Variants in APPBP2 observed in about 807,000 individuals in gnomAD.
APPBP2 encodes the protein amyloid beta precursor protein binding protein 2.
APPBP2 carries 15 observed loss-of-function variants against 76.0 expected under a neutral mutation model. The ratio of observed to expected loss-of-function variants is 0.20; its 90% CI spans 0.13 to 0.30. The LOEUF (loss-of-function observed/expected upper bound fraction) is 0.30. Among genes scored for constraint, APPBP2 ranks in the 10% least tolerant of loss-of-function variants. The probability of loss-of-function intolerance (pLI) is 1.00; values close to 1 mark genes in which losing one functional copy is unlikely to be tolerated. For missense variants in APPBP2, 401 were observed against 687.2 expected (o/e 0.58, Z 4.66); for synonymous variants, 222 against 242.2 (o/e 0.92, Z 0.77).
At chr17:60,476,777 G>A (rs909096197) in intron 4 of APPBP2, among the ~76,000 whole-genome samples, 5 of 151,992 alleles carry the variant, frequency 3.3e-5, no homozygotes, top group African/African-American at 1.2e-4. Flanking sequence ...ATTTTTTATA[G>A]AAATGAGGTC....
At chr17:60,460,836 A>C in intron 8 of APPBP2, 49 bp from the exon 9 acceptor site, 1 of 1,570,500 alleles carries the variant, frequency 6.4e-7, no homozygotes, top group Non-Finnish European at 8.6e-7. Context: ...AATACCACCT[A>C]GTTAAATTAA....
chr17:60,475,098 C>T lies in APPBP2; in HGVS notation c.503+4050G>A, dbSNP rs370801608. The stretch of plus-strand genomic sequence containing the variant: ...CAAAAAAATTAGCTGGGCATGGTGG[C>T]GGGCGCCTATAGTCCCAGCTACTCG... On this transcript the variant is annotated intron_variant, in intron 4 of 12. Transcript: ENST00000083182. Among the ~76,000 whole-genome samples, 40 of 151,862 alleles carry T rather than the reference C, an allele frequency of 2.6e-4. 2 individuals carry two copies. In the East Asian group the frequency reaches 5.8e-3, roughly 22 times the overall value.
intron 4 of APPBP2, among the ~76,000 whole-genome samples, chr17:60,469,832 T>C (rs547525101): frequency 2.1e-4 from 32 of 152,350 alleles, no homozygotes; most frequent in Middle Eastern, 3.4e-3. Flanking sequence ...AATTCTGCTA[T>C]AAACACTAGC....
intron 2 of APPBP2, among the ~76,000 whole-genome samples, chr17:60,495,347 C>G (rs2090765600): frequency 6.6e-6 from 1 of 151,736 alleles, no homozygotes. Context: ...AAATAAGAGG[C>G]TCAACATCAT....
At chr17:60,495,934 G>A (rs938151985) in intron 2 of APPBP2, among the ~76,000 whole-genome samples, 1 of 152,080 alleles carries the variant, frequency 6.6e-6, no homozygotes, top group South Asian at 2.1e-4. Context: ...TTATCCTTAC[G>A]ATGGAAAATT....
rs1224868285 is a variant in APPBP2 at position 60,500,404 on chromosome 17, A to G, written c.222T>C (p.Asp74=). ...EVFAKVLRAL[D]KRHLLHHCFQ... is the part of the protein sequence containing the mutation. Reference sequence around the variant, plus strand: ...TTTTTTAAAAAAGAATTTACCTTTTATCCAAAGCTCTCAGTACTTTAGCAA... The same window carrying G: ...TTTTTTAAAAAAGAATTTACCTTTTGTCCAAAGCTCTCAGTACTTTAGCAA... Residue 74 remains aspartate, a synonymous_variant, in exon 2 of 13, where the codon GAT becomes GAC. Coordinates refer to ENST00000083182, the MANE Select transcript of APPBP2 (RefSeq NM_006380.5). The G allele has an allele frequency of 6.3e-7, 1 of 1,597,226 alleles. No homozygotes were observed. The highest frequency in any genetic ancestry group is 1.1e-5 in the South Asian group (1 of 88,746).
chr17:60,485,769 C>G lies in APPBP2; in HGVS notation c.380-6498G>C, dbSNP rs528516831. On this transcript the variant is annotated intron_variant, in intron 3 of 12. Coordinates refer to ENST00000083182, the MANE Select transcript of APPBP2 (RefSeq NM_006380.5). ...TTCGAACTTGTTTGCTCTTGCTTCT[C>G]TAGCTCTTTTAATTGTGATGGTAGG... Among the ~76,000 whole-genome samples the G allele has an allele frequency of 2.6e-5, 4 of 152,270 alleles. No individual in the cohort carries two copies. In the South Asian group the frequency reaches 8.3e-4, roughly 32 times the overall value.
intron 4 of APPBP2, among the ~76,000 whole-genome samples, chr17:60,469,100 G>A (rs760398596): frequency 6.6e-5 from 10 of 152,074 alleles, no homozygotes; most frequent in Non-Finnish European, 4.4e-5. Context: ...GGCCGAGGTA[G>A]GCGGATCACG....
intron 1 of APPBP2, among the ~76,000 whole-genome samples, chr17:60,500,810 C>T (rs998413943): frequency 1.3e-5 from 2 of 151,878 alleles, no homozygotes; most frequent in Admixed American, 6.6e-5. Flanking sequence ...ACTGGAGAGT[C>T]GGTGTAAAAT....
chr17:60,468,992 A>T (rs968622879), intron 4 of APPBP2, among the ~76,000 whole-genome samples: 1 of 152,208 alleles, frequency 6.6e-6, no homozygotes, highest in African/African-American at 2.4e-5. Flanking sequence ...AGACATGACG[A>T]AAGTAAAATA....
intron 10 of APPBP2, among the ~76,000 whole-genome samples, chr17:60,454,846 GGAGT>G (rs1401570037): frequency 6.6e-6 from 1 of 152,154 alleles, no homozygotes; most frequent in African/African-American, 2.4e-5. Context: ...ACTGTGTCAA[GGAGT>G]ACCTAAGCAC....
chr17:60,521,184 T>C (rs765133799), intron 1 of APPBP2, among the ~76,000 whole-genome samples: 56 of 152,318 alleles, frequency 3.7e-4, no homozygotes, highest in Middle Eastern at 6.8e-3. Context: ...AATCCAAGCA[T>C]TATGATCACA....
In APPBP2 at chr17:60,510,177, AG is replaced by A. The variant is rs747959393; in HGVS notation, c.139-9691del. Among the ~76,000 whole-genome samples the A allele has an allele frequency of 6.6e-5, 10 of 152,166 alleles. No homozygotes were observed. In the South Asian group the frequency reaches 2.1e-3, roughly 32 times the overall value. On this transcript the variant is annotated intron_variant, in intron 1 of 12. Transcript: ENST00000083182. ...CAGCAATTTGGCAAGCCGAGACAAG[AG>A]GATTGCTTGAGACCAGGAGTTTGAG...
chr17:60,494,969 T>TTTTTG (rs1292994596), intron 2 of APPBP2, among the ~76,000 whole-genome samples: 7 of 129,816 alleles, frequency 5.4e-5, no homozygotes, highest in Non-Finnish European at 8.9e-5. Flanking sequence ...AGAAGAGTTT[T>TTTTTG]TTTTGTTTTG....
Position 60,479,217 on chromosome 17 carries a change from G to T in APPBP2, c.434C>A (p.Ser145Tyr). 1 of 1,613,694 alleles carries T rather than the reference G, an allele frequency of 6.2e-7. No homozygotes were observed. The highest frequency in any genetic ancestry group is 8.5e-7 in the Non-Finnish European group (1 of 1,179,834). ...WYSDAEKVFL[S>Y]CLQLCTLHDE... Reference sequence around the variant, plus strand: ...GTGTAGAGTACACAACTGAAGGCAGGACAGAAAAACTTTCTCAGCATCACT... The same window carrying T: ...GTGTAGAGTACACAACTGAAGGCAGTACAGAAAAACTTTCTCAGCATCACT... Residue 145 changes from serine to tyrosine, a missense_variant, in exon 4 of 13, where the codon TCC (serine) becomes TAC (tyrosine). Ser to Tyr is a moderately radical substitution (Grantham distance 144). This residue lies in a region of APPBP2 where 149 missense variants were observed against 198.4 expected (regional missense o/e 0.75). Coordinates refer to ENST00000083182, the MANE Select transcript of APPBP2 (RefSeq NM_006380.5).
intron 3 of APPBP2, among the ~76,000 whole-genome samples, chr17:60,480,050 G>C (rs1161365880): frequency 6.6e-6 from 1 of 152,086 alleles, no homozygotes; most frequent in African/African-American, 2.4e-5. Flanking sequence ...AGTTATTAAG[G>C]AATAATTTCT....
intron 3 of APPBP2, among the ~76,000 whole-genome samples, chr17:60,485,111 T>C (rs189981818): frequency 8.0e-4 from 121 of 152,196 alleles, no homozygotes; most frequent in African/African-American, 2.6e-3. Flanking sequence ...AGTTTGCCGG[T>C]ATTTTATTGA....
Position 60,505,676 on chromosome 17 carries a change from G to GTTTTTTTTTTTTTTTTTTTT in APPBP2, c.139-5209_139-5190dup, listed in dbSNP as rs1170935393. Among the ~76,000 whole-genome samples, 3 of 85,716 alleles carry GTTTTTTTTTTTTTTTTTTTT rather than the reference G, an allele frequency of 3.5e-5. 1 individual carries two copies. The highest frequency in any genetic ancestry group is 2.3e-4 in the African/African-American group (3 of 12,974). The allele number at this position is 85,716 out of a possible 152,430, so 56.2% of individuals were successfully genotyped here. Reference sequence around the variant, plus strand: ...TCCTAAAAGCCACCTGACCCCTGCGGTTTTTTTTTTTTTTTTTTTTTTTTT... The same window carrying GTTTTTTTTTTTTTTTTTTTT: ...TCCTAAAAGCCACCTGACCCCTGCGGTTTTTTTTTTTTTTTTTTTTTTTTTTTTTTTTTTTTTTTTTTTTT... On this transcript the variant is annotated intron_variant, in intron 1 of 12. Coordinates refer to ENST00000083182, the MANE Select transcript of APPBP2 (RefSeq NM_006380.5).
At position 60,479,169 on chromosome 17, in the gene APPBP2, C is replaced by T. The variant is rs762177326; in HGVS notation, c.482G>A (p.Arg161His). 5.0e-6 allele frequency: 8 copies of T among 1,612,544 alleles called. No individual in the cohort carries two copies. Among genetic ancestry groups the T allele is most frequent in the South Asian group, 3.3e-5 (3 of 90,716 alleles). ...TTACCTCACACAACATTCTACTGCA[C>T]GAAACCAATGAAGCATCTCATCGTG... ...TLHDEMLHWF[R>H]AVECCVRLLH... is the part of the protein sequence containing the mutation. Residue 161 changes from arginine (R) to histidine (H), a missense_variant, in exon 4 of 13, where the codon CGT (arginine) becomes CAT (histidine). By Grantham distance (29) the Arg-to-His change is conservative. Transcript: ENST00000083182.
Sources: allele counts gnomAD v4.1 joint callset (sites outside exome capture counted in the v4.1 genomes callset), GRCh38; gene constraint gnomAD v4.1.1; regional missense constraint gnomAD v4.1.1; transcripts MANE v1.5; gene names NCBI Gene and HGNC (gene_info 2026-07-23, HGNC 2026-07-21).